WASF3: variants seen among roughly 807,000 people sequenced by gnomAD.
WASF3 encodes WASP family member 3.
WASF3 carries 11 observed loss-of-function variants against 46.6 expected under a neutral mutation model. The observed-to-expected ratio is 0.24, with a 90% CI of 0.15 to 0.39. The LOEUF is 0.39. Among genes scored for constraint, WASF3 ranks in the 10% least tolerant of loss-of-function variants. WASF3 has a pLI of 1.00. For missense variants in WASF3, 576 were observed against 669.8 expected (o/e 0.86, Z 1.55); for synonymous variants, 242 against 259.7 (o/e 0.93, Z 0.65).
chr13:26,683,011 G>A, intron 9 of WASF3, 37 bp downstream of exon 9: 1 of 1,573,450 alleles, frequency 6.4e-7, no homozygotes, highest in Non-Finnish European at 8.6e-7. Context: ...CTGCCTTTCA[G>A]CAAGAGGTTT....
chr13:26,615,089 T>A lies in WASF3; in HGVS notation c.-11+2031T>A, dbSNP rs556294967. Among the ~76,000 whole-genome samples, 29 of 152,226 alleles carry A rather than the reference T, an allele frequency of 1.9e-4. No individual in the cohort carries two copies. In the East Asian group the frequency reaches 5.0e-3, roughly 26 times the overall value. ...ATGCCCATCAGAGGTGGCCTTTTTT[T>A]AAGTACCGTTTTGGAGCTATGTCTA... is the stretch of plus-strand genomic sequence containing the variant. On this transcript the variant is annotated intron_variant, in intron 2 of 9. Coordinates refer to ENST00000335327, the MANE Select transcript of WASF3 (RefSeq NM_006646.6).
chr13:26,588,962 T>TG (rs1880211641), intron 1 of WASF3, among the ~76,000 whole-genome samples: 4 of 151,902 alleles, frequency 2.6e-5, no homozygotes, highest in Non-Finnish European at 4.4e-5. Flanking sequence ...CACACCCAGC[T>TG]ATTTTTTTTT....
At chr13:26,580,853 G>T (rs1468873165) in intron 1 of WASF3, among the ~76,000 whole-genome samples, 1 of 151,418 alleles carries the variant, frequency 6.6e-6, no homozygotes. Context: ...TCGAGCTCCC[G>T]ACCTCAGGTG....
chr13:26,687,903 C>T lies in WASF3; in HGVS notation c.*2058C>T, dbSNP rs1360771559. The stretch of plus-strand genomic sequence containing the variant: ...TGTTTTTTTATGGCCCTTCTGTTCT[C>T]AGGATGGAGAGAACACAGAAGCTAC... On this transcript the variant is annotated 3_prime_UTR_variant, in exon 10 of 10. Coordinates refer to ENST00000335327, the MANE Select transcript of WASF3 (RefSeq NM_006646.6). 6.6e-6 allele frequency: 1 copy of T among 152,018 alleles called. No homozygotes were observed. Among genetic ancestry groups the T allele is most frequent in the African/African-American group, 2.4e-5 (1 of 41,388 alleles). 9.4% of individuals were successfully genotyped at this position (152,018 alleles called of 1,614,324 possible).
At chr13:26,580,436 T>C (rs766247559) in intron 1 of WASF3, among the ~76,000 whole-genome samples, 17 of 152,170 alleles carry the variant, frequency 1.1e-4, no homozygotes, top group Non-Finnish European at 2.1e-4. Context: ...CCATGGGCTT[T>C]GTCTAAAACT....
intron 1 of WASF3, among the ~76,000 whole-genome samples, chr13:26,567,447 A>C (rs1879499047): frequency 6.6e-6 from 1 of 152,144 alleles, no homozygotes. Flanking sequence ...TCTTTGCCTG[A>C]TTTTGCAAGG....
intron 1 of WASF3, among the ~76,000 whole-genome samples, chr13:26,578,192 A>T (rs1879859791): frequency 6.6e-6 from 1 of 152,208 alleles, no homozygotes; most frequent in Non-Finnish European, 1.5e-5. Flanking sequence ...TTATAAGATT[A>T]GATATTCCTC....
intron 1 of WASF3, among the ~76,000 whole-genome samples, chr13:26,595,862 A>G (rs1880445579): frequency 6.6e-6 from 1 of 152,220 alleles, no homozygotes; most frequent in Non-Finnish European, 1.5e-5. Flanking sequence ...TTACAATTGT[A>G]TGGATATACC....
At chr13:26,582,389 A>G (rs1880006232) in intron 1 of WASF3, among the ~76,000 whole-genome samples, 1 of 152,066 alleles carries the variant, frequency 6.6e-6, no homozygotes, top group Non-Finnish European at 1.5e-5. Context: ...TAAAAAAGAA[A>G]GCCGGGCCGG....
intron 1 of WASF3, among the ~76,000 whole-genome samples, chr13:26,586,500 T>C (rs1043833378): frequency 1.3e-5 from 2 of 152,228 alleles, no homozygotes; most frequent in African/African-American, 2.4e-5. Flanking sequence ...GTTTATTTAT[T>C]CACACTATTT....
chr13:26,571,941 C>T (rs1398807153), intron 1 of WASF3, among the ~76,000 whole-genome samples: 1 of 152,074 alleles, frequency 6.6e-6, no homozygotes, highest in Non-Finnish European at 1.5e-5. Context: ...ATTGTTTATT[C>T]CTGAGTATTT....
chr13:26,645,889 A>G (rs1173590408), intron 3 of WASF3, among the ~76,000 whole-genome samples: 1 of 152,142 alleles, frequency 6.6e-6, no homozygotes, highest in African/African-American at 2.4e-5. Flanking sequence ...ACTCCTGTCT[A>G]CACAATAAGA....
At chr13:26,653,100 C>A (rs1476419673) in intron 3 of WASF3, among the ~76,000 whole-genome samples, 1 of 152,156 alleles carries the variant, frequency 6.6e-6, no homozygotes, top group African/African-American at 2.4e-5. Context: ...ACACATTGCA[C>A]GCTGATAGGC....
intron 9 of WASF3, among the ~76,000 whole-genome samples, chr13:26,685,444 A>G (rs183915661): frequency 3.9e-5 from 6 of 152,338 alleles, no homozygotes; most frequent in Non-Finnish European, 5.9e-5. Flanking sequence ...GTTCAGGTAC[A>G]CTGAAATTAG....
chr13:26,548,671 C>T, the WASF3 span, among the ~76,000 whole-genome samples: 1 of 152,170 alleles, frequency 6.6e-6, no homozygotes, highest in African/African-American at 2.4e-5. Context: ...CCAGAATTTC[C>T]TAGCAAGATA....
chr13:26,562,029 C>T (rs541123003), intron 1 of WASF3, among the ~76,000 whole-genome samples: 1 of 152,146 alleles, frequency 6.6e-6, no homozygotes, highest in South Asian at 2.1e-4. Context: ...ACATTAAGTA[C>T]TTACGTTTTT....
intron 1 of WASF3, among the ~76,000 whole-genome samples, chr13:26,609,230 C>T (rs1401146456): frequency 2.0e-5 from 3 of 152,032 alleles, no homozygotes; most frequent in Admixed American, 1.3e-4. Context: ...GATTAAAGGG[C>T]GTATTACTAG....
chr13:26,659,904 G>T (rs1882575447), intron 3 of WASF3, among the ~76,000 whole-genome samples: 1 of 152,108 alleles, frequency 6.6e-6, no homozygotes, highest in African/African-American at 2.4e-5. Context: ...TTATGTTTCA[G>T]TTATTAGACA....
chr13:26,684,798 C>G (rs994251721), intron 9 of WASF3, among the ~76,000 whole-genome samples: 1 of 152,000 alleles, frequency 6.6e-6, no homozygotes, highest in African/African-American at 2.4e-5. Flanking sequence ...TTGGGGAATC[C>G]AAGTATATGG....
Sources: allele counts gnomAD v4.1 joint callset (sites outside exome capture counted in the v4.1 genomes callset), GRCh38; gene constraint gnomAD v4.1.1; transcripts MANE v1.5; gene names NCBI Gene and HGNC (gene_info 2026-07-23, HGNC 2026-07-21).